Variants in GRK1 observed in about 807,000 individuals in gnomAD.
GRK1 encodes the protein G protein-coupled receptor kinase 1, also known as rhodopsin kinase GRK1.
Under a neutral mutation model 41.7 loss-of-function variants are expected in GRK1, and 28 were observed. That is an observed-to-expected ratio of 0.67 (90% CI 0.50 to 0.92). GRK1 has a LOEUF of 0.92. GRK1 is among the 40% of genes least tolerant of loss of function. The probability of loss-of-function intolerance (pLI) is 0.00; values close to 1 mark genes in which losing one functional copy is unlikely to be tolerated. For missense variants in GRK1, 703 were observed against 671.2 expected, an observed-to-expected ratio of 1.05 and a Z score of -0.52; for synonymous variants, 327 against 286.7, an observed-to-expected ratio of 1.14 and a Z score of -1.42.
intron 6 of GRK1, among the ~76,000 whole-genome samples, chr13:113,733,795 A>ATG (rs1321474761): frequency 1.7e-4 from 8 of 47,646 alleles, no homozygotes; most frequent in African/African-American, 9.5e-4. Context: ...GCATGTGTGT[A>ATG]TGTGTATCTG....
the GRK1 span, chr13:113,649,310 C>G: frequency 6.5e-7 from 1 of 1,530,214 alleles, no homozygotes; most frequent in Non-Finnish European, 8.8e-7. The surrounding 1 kb of genome is among the most constrained non-coding windows in gnomAD (Gnocchi z 4.7). Context: ...GCAAGGTAAG[C>G]CCAACCAGGA....
At chr13:113,659,984 TC>T in the GRK1 span, among the ~76,000 whole-genome samples, 1 of 152,176 alleles carries the variant, frequency 6.6e-6, no homozygotes, top group Non-Finnish European at 1.5e-5. Context: ...AATTTAGTCT[TC>T]CTAATGTAGT....
At chr13:113,659,269 A>G in the GRK1 span, among the ~76,000 whole-genome samples, 6 of 152,312 alleles carry the variant, frequency 3.9e-5, no homozygotes, top group South Asian at 1.2e-3. Context: ...TGCAGTGCCC[A>G]TCTCTGCAGG....
At chr13:113,670,858 A>G (rs1250525668) in intron 2 of GRK1, among the ~76,000 whole-genome samples, 23 of 148,470 alleles carry the variant, frequency 1.5e-4, no homozygotes, top group Admixed American at 1.2e-3. Context: ...GTTGTCCAGG[A>G]GGAGGGGAGG....
chr13:113,658,074 G>A, the GRK1 span: 21 of 1,611,090 alleles, frequency 1.3e-5, no homozygotes, highest in Admixed American at 1.0e-4. Context: ...CCCCGTGTCC[G>A]GGTTCCAGCA....
At chr13:113,661,431 A>C in the GRK1 span, among the ~76,000 whole-genome samples, 1 of 152,072 alleles carries the variant, frequency 6.6e-6, no homozygotes, top group Non-Finnish European at 1.5e-5. Context: ...TCATCTCACA[A>C]ATGTAGAAAA....
At position 113,732,872 on chromosome 13, in the gene GRK1, G is replaced by A. The variant is rs770350889; in HGVS notation, c.1195-12G>A. ...GGGTCTGGCAGGGCTAAGGCTACGC[G>A]TGTCCCCACAGGTGGAGAACAAGGA... On this transcript the variant is annotated splice_polypyrimidine_tract_variant and intron_variant, in intron 5 of 6. Coordinates refer to ENST00000335678, the MANE Select transcript of GRK1 (RefSeq NM_002929.3). The A allele has an allele frequency of 1.9e-5, 29 of 1,536,070 alleles. No individual in the cohort carries two copies. Among genetic ancestry groups the A allele is most frequent in the Admixed American group, 1.2e-4 (6 of 50,992 alleles).
the GRK1 span, among the ~76,000 whole-genome samples, chr13:113,652,402 G>C: frequency 1.5e-4 from 23 of 152,352 alleles, no homozygotes; most frequent in African/African-American, 5.3e-4. Flanking sequence ...CCATGGAGTG[G>C]TGGCCCCAAG....
At chr13:113,658,347 G>C in the GRK1 span, among the ~76,000 whole-genome samples, 3 of 152,248 alleles carry the variant, frequency 2.0e-5, no homozygotes, top group Non-Finnish European at 4.4e-5. Flanking sequence ...CAGCCCGGCT[G>C]TTGCCCCTGG....
chr13:113,650,574 T>A, the GRK1 span: 1 of 1,307,900 alleles, frequency 7.6e-7, no homozygotes, highest in Non-Finnish European at 1.1e-6. The surrounding 1 kb of genome is among the most constrained non-coding windows in gnomAD (Gnocchi z 5.0). Flanking sequence ...GTGTGTTGCG[T>A]TTGTGTGCGT....
chr13:113,734,014 A>ATC lies in GRK1; in HGVS notation c.1396+930_1396+931insCT, dbSNP rs1566700612. On this transcript the variant is annotated intron_variant, in intron 6 of 6. Coordinates refer to ENST00000335678, the MANE Select transcript of GRK1 (RefSeq NM_002929.3). ...CATACATGTGTGTGCGTGTGCGTGC[A>ATC]TGTGTGTGCGTGCGTGTGCGTATGT... Among the ~76,000 whole-genome samples the ATC allele has an allele frequency of 1.2e-4, 12 of 97,422 alleles. 1 individual carries two copies. Among genetic ancestry groups the ATC allele is most frequent in the African/African-American group, 5.4e-4 (12 of 22,426 alleles). The allele number at this position is 97,422 out of a possible 152,430, so 63.9% of individuals were successfully genotyped here. A position where few individuals can be genotyped will look rare whatever the true frequency, so the allele number is the denominator to read the frequency against.
chr13:113,727,105 G>T (rs2049894019), intron 4 of GRK1, among the ~76,000 whole-genome samples: 1 of 152,242 alleles, frequency 6.6e-6, no homozygotes, highest in African/African-American at 2.4e-5. Context: ...TTGGGTAGCA[G>T]CTGGCAAGTT....
the GRK1 span, among the ~76,000 whole-genome samples, chr13:113,657,633 C>T: frequency 2.6e-5 from 4 of 152,262 alleles, no homozygotes; most frequent in East Asian, 1.9e-4. Flanking sequence ...AGCCGCGTCT[C>T]GGCAGAGCCC....
the GRK1 span, chr13:113,649,339 C>G: frequency 6.4e-7 from 1 of 1,568,910 alleles, no homozygotes; most frequent in Non-Finnish European, 8.7e-7. The surrounding 1 kb of genome is among the most constrained non-coding windows in gnomAD (Gnocchi z 4.7). Flanking sequence ...TTGAGCGACC[C>G]CGCAGGCGTG....
upstream of GRK1, among the ~76,000 whole-genome samples, chr13:113,665,948 C>T (rs546016648): frequency 9.3e-6 from 1 of 107,964 alleles, no homozygotes; most frequent in South Asian, 3.2e-4. Flanking sequence ...CCCCCCAGTG[C>T]ATCCCAGGTG....
At chr13:113,666,875 G>A (rs184976662), upstream of GRK1, among the ~76,000 whole-genome samples, 2 of 152,238 alleles carry the variant, frequency 1.3e-5, no homozygotes, top group East Asian at 3.9e-4. Flanking sequence ...TGTAAATTAC[G>A]GTTTCTTCCG....
At chr13:113,734,320 A>C (rs2049986762) in intron 6 of GRK1, among the ~76,000 whole-genome samples, 1 of 152,162 alleles carries the variant, frequency 6.6e-6, no homozygotes, top group Non-Finnish European at 1.5e-5. Flanking sequence ...CAGGGAACCC[A>C]AGGGGGCTCC....
intron 6 of GRK1, among the ~76,000 whole-genome samples, chr13:113,733,651 A>ACGTGTGTG (rs2049959113): frequency 1.1e-5 from 1 of 91,666 alleles, no homozygotes; most frequent in Non-Finnish European, 2.2e-5. Flanking sequence ...ATGTGTGCAT[A>ACGTGTGTG]CGTGTGTGTG....
the GRK1 span, chr13:113,654,751 A>G: frequency 1.9e-6 from 3 of 1,570,994 alleles, no homozygotes; most frequent in South Asian, 1.2e-5. Context: ...GGGCGTCTCC[A>G]GAGCCGAGGA....
Sources: allele counts gnomAD v4.1 joint callset (sites outside exome capture counted in the v4.1 genomes callset), GRCh38; gene constraint gnomAD v4.1.1; non-coding constraint Gnocchi (gnomAD v3.1); transcripts MANE v1.5; gene names NCBI Gene and HGNC (gene_info 2026-07-23, HGNC 2026-07-21).